Variants in ZNF469 observed in about 807,000 individuals in gnomAD.
ZNF469 encodes zinc finger protein 469.
ZNF469 carries 1 observed loss-of-function variant against 1.0 expected under a neutral mutation model. That is an observed-to-expected ratio of 1.00 (90% CI 0.35 to 4.73). ZNF469 has a LOEUF of 4.73. Among genes scored for constraint, ZNF469 ranks in the 30% most tolerant of loss-of-function variants. The pLI is 0.16. For synonymous variants in ZNF469, 2,703 were observed against 2,363.4 expected (o/e 1.14, Z -4.17); for missense variants, 6,100 against 5,356.3 (o/e 1.14, Z -4.33).
chr16:88,281,775 C>A, the ZNF469 span, among the ~76,000 whole-genome samples: 1 of 150,824 alleles, frequency 6.6e-6, no homozygotes, highest in Non-Finnish European at 1.5e-5. Flanking sequence ...TAGTACTGTG[C>A]CACACCGATG....
intron 1 of ZNF469, among the ~76,000 whole-genome samples, chr16:88,395,040 G>C (rs984103943): frequency 2.0e-5 from 3 of 152,212 alleles, no homozygotes; most frequent in Non-Finnish European, 2.9e-5. Flanking sequence ...TACAGCCTCA[G>C]GTTGGCTCAC....
rs78842691 is a variant in ZNF469 at position 88,419,936 on chromosome 16, G to T, written c.-191-4871G>T. 9.7e-3 allele frequency among the ~76,000 whole-genome samples: 1,475 copies of T among 152,368 alleles called. 27 individuals carry two copies. Among genetic ancestry groups the T allele is most frequent in the African/African-American group, 0.033 (1,371 of 41,572 alleles). On this transcript the variant is annotated intron_variant, in intron 1 of 2. Coordinates refer to ENST00000565624, the MANE Select transcript of ZNF469 (RefSeq NM_001367624.2). ...CAAAGGGAGGAAGGCACAGAGAGGG[G>T]TGGAGGCCGGCCTGAGGCCACACAG...
the ZNF469 span, among the ~76,000 whole-genome samples, chr16:88,145,038 C>A: frequency 6.6e-6 from 1 of 151,884 alleles, no homozygotes; most frequent in Non-Finnish European, 1.5e-5. Flanking sequence ...TTAGTAGAGA[C>A]AGGGTTTCAC....
rs1201421893 is a variant in ZNF469, at chr16:88,434,880, G to A, written c.7410G>A (p.Gly2470=). The change falls in exon 3 of 3, where the codon GGG becomes GGA. Residue 2470 remains glycine (G), a synonymous_variant. Transcript: ENST00000565624. ...AGTGGAAGGGCCAAGCTCCACATGGGCCTGTGACCTGTGAGGTCTGCGCAG... is the reference window on the plus strand; with the variant it reads ...AGTGGAAGGGCCAAGCTCCACATGGACCTGTGACCTGTGAGGTCTGCGCAG... ...NGQWKGQAPH[G]PVTCEVCAAS... is the part of the protein sequence containing the mutation. 6.5e-7 allele frequency: 1 copy of A among 1,550,352 alleles called. No homozygotes were observed. The highest frequency in any genetic ancestry group is 2.4e-5 in the East Asian group (1 of 40,924).
chr16:88,141,508 G>A, the ZNF469 span, among the ~76,000 whole-genome samples: 4 of 142,708 alleles, frequency 2.8e-5, no homozygotes, highest in Admixed American at 2.8e-4. Flanking sequence ...AGGCACCCCC[G>A]TCCTGGTCCC....
At chr16:88,117,607 G>GTGGAGTTGCCACGTGCCTTCGGGGACCA in the ZNF469 span, among the ~76,000 whole-genome samples, 5 of 148,816 alleles carry the variant, frequency 3.4e-5, no homozygotes, top group African/African-American at 1.2e-4. Context: ...TTCGGGGACC[G>GTGGAGTTGCCACGTGCCTTCGGGGACCA]TGGAGGTGCC....
the ZNF469 span, among the ~76,000 whole-genome samples, chr16:88,213,199 C>A: frequency 2.0e-5 from 3 of 151,854 alleles, no homozygotes; most frequent in Non-Finnish European, 4.4e-5. Context: ...CCCTGGTTCA[C>A]GCCACTCTCC....
intron 1 of ZNF469, among the ~76,000 whole-genome samples, chr16:88,415,451 C>T (rs752976188): frequency 9.2e-5 from 14 of 152,292 alleles, no homozygotes; most frequent in East Asian, 7.7e-4. Flanking sequence ...AACCCAGGGG[C>T]CTGTGCTGCG....
chr16:88,404,518 G>T (rs1207705693), intron 1 of ZNF469, among the ~76,000 whole-genome samples: 1 of 152,256 alleles, frequency 6.6e-6, no homozygotes, highest in Non-Finnish European at 1.5e-5. Flanking sequence ...GGAAGGGGCA[G>T]CTGTCATGGC....
the ZNF469 span, among the ~76,000 whole-genome samples, chr16:88,199,323 G>T: frequency 2.6e-5 from 4 of 152,242 alleles, no homozygotes; most frequent in African/African-American, 9.6e-5. Context: ...GTGACTTTCA[G>T]TACCAAAAGG....
rs1009546215 is a variant in ZNF469, at chr16:88,383,060, C to G, written c.-386C>G. 6.6e-6 allele frequency among the ~76,000 whole-genome samples: 1 copy of G among 151,398 alleles called. No individual in the cohort carries two copies. The highest frequency in any genetic ancestry group is 1.5e-5 in the Non-Finnish European group (1 of 67,814). On this transcript the variant is annotated 5_prime_UTR_variant, in exon 1 of 3. Coordinates refer to ENST00000565624, the MANE Select transcript of ZNF469 (RefSeq NM_001367624.2). ...CGCGGCGACCTGGGCAGGGTGGCGG[C>G]TGCTCCCTCTCCTCCCACCCCGCCC...
chr16:88,398,024 G>A (rs1332349902), intron 1 of ZNF469, among the ~76,000 whole-genome samples: 1 of 152,236 alleles, frequency 6.6e-6, no homozygotes, highest in Non-Finnish European at 1.5e-5. Context: ...GCAGGGCCAG[G>A]CCTCCATTAG....
chr16:88,318,887 C>T, the ZNF469 span, among the ~76,000 whole-genome samples: 1 of 152,258 alleles, frequency 6.6e-6, no homozygotes, highest in African/African-American at 2.4e-5. Flanking sequence ...ACGTGGTGAC[C>T]GTCCTCACCA....
chr16:88,303,148 G>C, the ZNF469 span, among the ~76,000 whole-genome samples: 1 of 152,348 alleles, frequency 6.6e-6, no homozygotes, highest in South Asian at 2.1e-4. Context: ...TGATAGGAAA[G>C]TGTGAAGTTG....
chr16:88,316,442 T>C, the ZNF469 span, among the ~76,000 whole-genome samples: 442 of 151,854 alleles, frequency 2.9e-3, 2 homozygotes, highest in Non-Finnish European at 5.4e-3. Flanking sequence ...TTCATGAGGG[T>C]GATGTGATCT....
chr16:88,209,762 G>C, the ZNF469 span, among the ~76,000 whole-genome samples: 35 of 152,098 alleles, frequency 2.3e-4, no homozygotes, highest in Non-Finnish European at 4.7e-4. Flanking sequence ...CAGCTGCATA[G>C]TACTCCACTG....
chr16:88,414,552 G>C (rs1905256723), intron 1 of ZNF469, among the ~76,000 whole-genome samples: 1 of 152,270 alleles, frequency 6.6e-6, no homozygotes, highest in East Asian at 1.9e-4. Flanking sequence ...AGCTGCCCTG[G>C]ATTGGGAGCA....
Position 88,429,380 on chromosome 16 carries a change from C to T in ZNF469, c.1910C>T (p.Pro637Leu). Residue 637 changes from proline (P) to leucine (L), a missense_variant, in exon 3 of 3, where the codon CCA becomes CTA. Physicochemically the swap from Pro to Leu is moderately conservative, Grantham distance 98. Coordinates refer to ENST00000565624, the MANE Select transcript of ZNF469 (RefSeq NM_001367624.2). ...CTCGGGCCCTCGGCCTTCTTCCACC[C>T]ACCCACTCACCCCCAGGAGACGGGC... Reference protein sequence around the residue: ...GPLGPSAFFHPPTHPQETGSP... With the variant: ...GPLGPSAFFHLPTHPQETGSP... The T allele has an allele frequency of 6.5e-7, 1 of 1,549,726 alleles. No homozygotes were observed. Among genetic ancestry groups the T allele is most frequent in the Non-Finnish European group, 8.7e-7 (1 of 1,146,650 alleles).
intron 1 of ZNF469, among the ~76,000 whole-genome samples, chr16:88,390,647 G>A (rs77205607): frequency 0.056 from 8,459 of 152,270 alleles, 334 homozygotes; most frequent in Non-Finnish European, 0.076. Context: ...TTCGGATGCC[G>A]CCGGGCACTG....
Sources: allele counts gnomAD v4.1 joint callset (sites outside exome capture counted in the v4.1 genomes callset), GRCh38; gene constraint gnomAD v4.1.1; transcripts MANE v1.5; gene names NCBI Gene and HGNC (gene_info 2026-07-23, HGNC 2026-07-21).